Variants in SH3RF3 observed in about 807,000 individuals in gnomAD.
The protein encoded by SH3RF3 is E3 ubiquitin-protein ligase SH3RF3.
SH3RF3 carries 29 observed loss-of-function variants against 66.3 expected under a neutral mutation model. That is an observed-to-expected ratio of 0.44 (90% confidence interval 0.33 to 0.60). The LOEUF (loss-of-function observed/expected upper bound fraction) is 0.60, where lower values mean the gene tolerates loss of function less well. Ranked by LOEUF, SH3RF3 falls within the 20% of genes least tolerant of loss-of-function variation. The probability of loss-of-function intolerance (pLI) is 0.04; values close to 1 mark genes in which losing one functional copy is unlikely to be tolerated. For synonymous variants in SH3RF3, 583 were observed against 532.0 expected, an observed-to-expected ratio of 1.10 and a Z score of -1.32; for missense variants, 1,194 against 1,190.9, an observed-to-expected ratio of 1.00 and a Z score of -0.04.
chr2:109,172,775 G>T (rs890160643), intron 1 of SH3RF3, among the ~76,000 whole-genome samples: 6 of 152,360 alleles, frequency 3.9e-5, no homozygotes, highest in African/African-American at 1.4e-4. Flanking sequence ...AAACCAAACT[G>T]CATGTGGGTT....
At chr2:109,301,962 G>A (rs1028920969) in intron 1 of SH3RF3, among the ~76,000 whole-genome samples, 2 of 152,212 alleles carry the variant, frequency 1.3e-5, no homozygotes, top group African/African-American at 2.4e-5. Flanking sequence ...TCTCCTGCAT[G>A]TCTTCCTGGA....
chr2:109,165,712 G>A lies in SH3RF3; in HGVS notation c.573+35599G>A, dbSNP rs75354669. Among the ~76,000 whole-genome samples the A allele has an allele frequency of 6.7e-3, 1,013 of 152,282 alleles. 11 individuals carry two copies. Among genetic ancestry groups the A allele is most frequent in the African/African-American group, 0.023 (949 of 41,548 alleles). ...CCATGGCCTGGTGGTATGGACGAGT[G>A]GGGAGGCTTTCTGCTGCCCCCACTC... On this transcript the variant is annotated intron_variant, in intron 1 of 9. Transcript: ENST00000309415.
chr2:109,412,726 T>A (rs1179749235), intron 4 of SH3RF3, among the ~76,000 whole-genome samples: 3 of 152,224 alleles, frequency 2.0e-5, no homozygotes, highest in Non-Finnish European at 4.4e-5. Context: ...TGGAAATGTT[T>A]CAGGAAACCA....
chr2:109,484,824 G>A (rs1678928274), intron 8 of SH3RF3, among the ~76,000 whole-genome samples: 1 of 152,146 alleles, frequency 6.6e-6, no homozygotes, highest in Admixed American at 6.5e-5. Context: ...GCTTTCCTGG[G>A]ACTGTCTGCA....
intron 1 of SH3RF3, among the ~76,000 whole-genome samples, chr2:109,344,546 T>TGGCTGG (rs1682638008): frequency 6.6e-6 from 1 of 152,214 alleles, no homozygotes; most frequent in Non-Finnish European, 1.5e-5. Context: ...CTGAAGCTCA[T>TGGCTGG]AAGCAGCAGG....
At chr2:109,463,185 T>C (rs1242981275) in intron 8 of SH3RF3, among the ~76,000 whole-genome samples, 1 of 152,254 alleles carries the variant, frequency 6.6e-6, no homozygotes, top group African/African-American at 2.4e-5. Flanking sequence ...CCTAGAACTC[T>C]TCTGTTTACA....
At chr2:109,374,587 C>G (rs748451749) in intron 3 of SH3RF3, among the ~76,000 whole-genome samples, 2 of 152,180 alleles carry the variant, frequency 1.3e-5, no homozygotes, top group Non-Finnish European at 2.9e-5. Flanking sequence ...GAGCTTCCAT[C>G]TTGGGCTACT....
intron 3 of SH3RF3, 100 bp downstream of exon 3, chr2:109,371,781 AAG>A: frequency 1.0e-6 from 1 of 979,456 alleles, no homozygotes; most frequent in Non-Finnish European, 1.6e-6. Context: ...CTAAGAGAGA[AAG>A]AGGATCCTCC....
chr2:109,153,186 C>T (rs889033760), intron 1 of SH3RF3, among the ~76,000 whole-genome samples: 17 of 152,166 alleles, frequency 1.1e-4, no homozygotes, highest in Admixed American at 9.2e-4. Context: ...TGCACTGCAG[C>T]GTTCTGCTAA....
intron 1 of SH3RF3, among the ~76,000 whole-genome samples, chr2:109,290,943 T>C: frequency 6.6e-6 from 1 of 152,260 alleles, no homozygotes; most frequent in Middle Eastern, 3.2e-3. Context: ...TTTTACTGTT[T>C]TCCTGGGGTG....
At chr2:109,288,199 A>G (rs1681083375) in intron 1 of SH3RF3, among the ~76,000 whole-genome samples, 1 of 152,258 alleles carries the variant, frequency 6.6e-6, no homozygotes, top group African/African-American at 2.4e-5. Context: ...GCCATTCAGA[A>G]TAGGTGCAAG....
rs148774104 is a variant in SH3RF3, at chr2:109,433,742, G to A, written c.1574+1071G>A. On this transcript the variant is annotated intron_variant, in intron 6 of 9. Coordinates refer to ENST00000309415, the MANE Select transcript of SH3RF3 (RefSeq NM_001099289.3). Reference sequence around the variant, plus strand: ...CCTCTCTCGAGGTGCCCAGAAGCGGGGGCTAAGGGATGATGGAGTTGCCCA... The same window carrying A: ...CCTCTCTCGAGGTGCCCAGAAGCGGAGGCTAAGGGATGATGGAGTTGCCCA... Among the ~76,000 whole-genome samples, 124 of 152,348 alleles carry A rather than the reference G, an allele frequency of 8.1e-4. No individual in the cohort carries two copies. In the Middle Eastern group the frequency reaches 0.01, roughly 13 times the overall value.
intron 1 of SH3RF3, among the ~76,000 whole-genome samples, chr2:109,170,358 T>C (rs1289690250): frequency 6.6e-6 from 1 of 151,664 alleles, no homozygotes; most frequent in Non-Finnish European, 1.5e-5. Flanking sequence ...TTTCTTTCTT[T>C]CTTTTTTGAC....
At position 109,495,675 on chromosome 2, in the gene SH3RF3, AG is replaced by A. The variant is rs538815973; in HGVS notation, c.2480+4740del. 2.4e-3 allele frequency among the ~76,000 whole-genome samples: 363 copies of A among 151,662 alleles called. 3 individuals carry two copies. Among genetic ancestry groups the A allele is most frequent in the Non-Finnish European group, 4.3e-3 (289 of 67,894 alleles). ...CCTGGCTGATTTTTGTATTTTTAGT[AG>A]AGACGGGGTTTCGCCATGTTAGCCA... On this transcript the variant is annotated intron_variant, in intron 9 of 9. Coordinates refer to ENST00000309415, the MANE Select transcript of SH3RF3 (RefSeq NM_001099289.3).
chr2:109,438,565 A>G (rs1677475082), intron 7 of SH3RF3, among the ~76,000 whole-genome samples: 1 of 152,258 alleles, frequency 6.6e-6, no homozygotes, highest in African/African-American at 2.4e-5. Flanking sequence ...TTTTTTACTT[A>G]AATCAGCTAA....
intron 1 of SH3RF3, among the ~76,000 whole-genome samples, chr2:109,184,819 T>A (rs1007415768): frequency 2.6e-5 from 4 of 152,246 alleles, no homozygotes; most frequent in Admixed American, 1.3e-4. Flanking sequence ...CCAAGCCCAA[T>A]GAGGCAGTTA....
intron 1 of SH3RF3, among the ~76,000 whole-genome samples, chr2:109,149,670 G>A (rs1458197202): frequency 6.6e-6 from 1 of 152,204 alleles, no homozygotes; most frequent in African/African-American, 2.4e-5. Flanking sequence ...CTCTGTGGCA[G>A]CAGCAACGTT....
intron 1 of SH3RF3, among the ~76,000 whole-genome samples, chr2:109,301,534 AG>A (rs1162747470): frequency 1.3e-5 from 2 of 152,136 alleles, no homozygotes; most frequent in Non-Finnish European, 2.9e-5. Context: ...CCAGGACACC[AG>A]GGTGCCCAGA....
Position 109,257,139 on chromosome 2 carries a change from C to T in SH3RF3, c.574-90535C>T, listed in dbSNP as rs574455066. On this transcript the variant is annotated intron_variant, in intron 1 of 9. Coordinates refer to ENST00000309415, the MANE Select transcript of SH3RF3 (RefSeq NM_001099289.3). ...GAATCCCTCATGTCCACTCTGCAGC[C>T]GACATTCACTCAGCATCCTGGAAAA... Among the ~76,000 whole-genome samples the T allele has an allele frequency of 9.2e-5, 14 of 152,266 alleles. No individual in the cohort carries two copies. The East Asian group carries it at 1.7e-3, about 19-fold the overall frequency.
Sources: gnomAD v4.1 joint callset for allele counts (sites outside exome capture counted in the v4.1 genomes callset) on GRCh38, gnomAD v4.1.1 for gene constraint, MANE v1.5 for transcripts, NCBI Gene and HGNC (gene_info 2026-07-23, HGNC 2026-07-21) for gene names.